Variants in XXYLT1 observed in about 807,000 individuals in gnomAD.
XXYLT1 encodes the protein UDP-xylose:alpha-xyloside alpha-1,3-xylosyltransferase.
XXYLT1 carries 20 observed loss-of-function variants against 28.9 expected under a neutral mutation model. The ratio of observed to expected loss-of-function variants is 0.69; its 90% confidence interval spans 0.49 to 1.00. The LOEUF is 1.00. Ranked by LOEUF, XXYLT1 falls within the 50% of genes least tolerant of loss-of-function variation. The pLI, the probability that XXYLT1 is intolerant of heterozygous loss-of-function variation, is 0.00. For synonymous variants in XXYLT1, 257 were observed against 253.8 expected, an observed-to-expected ratio of 1.01 and a Z score of -0.12; for missense variants, 542 against 560.1, an observed-to-expected ratio of 0.97 and a Z score of 0.33.
intron 2 of XXYLT1, among the ~76,000 whole-genome samples, chr3:195,219,800 T>C (rs1723741139): frequency 6.6e-6 from 1 of 152,194 alleles, no homozygotes; most frequent in Non-Finnish European, 1.5e-5. Context: ...TCAGGGGTGA[T>C]AACACTCAGG....
intron 2 of XXYLT1, among the ~76,000 whole-genome samples, chr3:195,208,347 G>A (rs367779666): frequency 6.6e-5 from 10 of 152,210 alleles, no homozygotes; most frequent in South Asian, 4.2e-4. Context: ...ATCCAGTCTC[G>A]GTGTCAGCTC....
chr3:195,081,474 G>T (rs1715431107), intron 3 of XXYLT1, among the ~76,000 whole-genome samples: 1 of 152,158 alleles, frequency 6.6e-6, no homozygotes. Context: ...TCGGTCTAGG[G>T]TGGAGGGAAG....
intron 3 of XXYLT1, among the ~76,000 whole-genome samples, chr3:195,139,482 G>A (rs1719372662): frequency 6.6e-6 from 1 of 152,154 alleles, no homozygotes; most frequent in African/African-American, 2.4e-5. Flanking sequence ...CCTCCACGTC[G>A]CAGGAGTGCA....
intron 3 of XXYLT1, among the ~76,000 whole-genome samples, chr3:195,079,452 A>T (rs1281866086): frequency 6.6e-6 from 1 of 152,154 alleles, no homozygotes; most frequent in East Asian, 1.9e-4. Flanking sequence ...TCTTTGAGGA[A>T]TGAGAATAAC....
chr3:195,190,707 T>C (rs953802201), intron 2 of XXYLT1, among the ~76,000 whole-genome samples: 1 of 151,898 alleles, frequency 6.6e-6, no homozygotes, highest in African/African-American at 2.4e-5. Context: ...CAACACTGGG[T>C]TGTTGGGTTT....
rs1445335383 is a variant in XXYLT1, at chr3:195,256,399, C to A, written c.504+14156G>T. 1 of 810,382 alleles carries A rather than the reference C, an allele frequency of 1.2e-6. No homozygotes were observed. The highest frequency in any genetic ancestry group is 1.5e-6 in the Non-Finnish European group (1 of 670,418). 50.2% of individuals were successfully genotyped at this position (810,382 alleles called of 1,614,324 possible). A position where few individuals can be genotyped will look rare whatever the true frequency, so the allele number is the denominator to read the frequency against. ...CTCTGGTCATTCCAAGTCCCTCGCC[C>A]TCATGCTCCGCGCAGGCCTGAGGTG... On this transcript the variant is annotated intron_variant, in intron 1 of 3. Transcript: ENST00000310380. This position sits in a 1 kb window ranked among gnomAD's most constrained non-coding sequence, Gnocchi z 4.2.
At position 195,076,681 on chromosome 3, in the gene XXYLT1, G is replaced by GGA. The variant is rs1390530478; in HGVS notation, c.786-6572_786-6571dup. Among the ~76,000 whole-genome samples, 2 of 152,186 alleles carry GGA rather than the reference G, an allele frequency of 1.3e-5. No individual in the cohort carries two copies. Among genetic ancestry groups the GGA allele is most frequent in the Non-Finnish European group, 2.9e-5 (2 of 68,018 alleles). On this transcript the variant is annotated intron_variant, in intron 3 of 3. Transcript: ENST00000310380. This position sits in a 1 kb window ranked among gnomAD's most constrained non-coding sequence, Gnocchi z 5.3. ...CTGGCAGCTGGCTCTGTCTGGGCTA[G>GGA]GAGGGAGGGTCTGTTCCAGGCGCTC... is the stretch of plus-strand genomic sequence containing the variant.
chr3:195,136,264 G>A (rs1308437843), intron 3 of XXYLT1, among the ~76,000 whole-genome samples: 1 of 152,122 alleles, frequency 6.6e-6, no homozygotes. Flanking sequence ...GACCCTCAGT[G>A]CTCCTATAGG....
chr3:195,154,674 G>A (rs996223917), intron 3 of XXYLT1, among the ~76,000 whole-genome samples: 2 of 152,132 alleles, frequency 1.3e-5, no homozygotes, highest in Non-Finnish European at 2.9e-5. Context: ...CCACGCCAAT[G>A]TACAAAACCC....
intron 1 of XXYLT1, among the ~76,000 whole-genome samples, chr3:195,248,643 C>T (rs549079722): frequency 3.9e-5 from 6 of 152,186 alleles, no homozygotes; most frequent in South Asian, 2.1e-4. Flanking sequence ...CTTGGCCAGG[C>T]GCAGTGGCTC....
chr3:195,184,489 C>T, intron 2 of XXYLT1: 1 of 484,720 alleles, frequency 2.1e-6, no homozygotes, highest in Non-Finnish European at 2.7e-6. Flanking sequence ...TGATTAAAAT[C>T]CCAACTCACC....
At chr3:195,204,004 T>C (rs574774530) in intron 2 of XXYLT1, among the ~76,000 whole-genome samples, 1 of 152,190 alleles carries the variant, frequency 6.6e-6, no homozygotes, top group South Asian at 2.1e-4. Context: ...AAGCCTCAGG[T>C]TTTTGCTTCT....
chr3:195,118,787 A>T (rs1451730141), intron 3 of XXYLT1, among the ~76,000 whole-genome samples: 1 of 152,226 alleles, frequency 6.6e-6, no homozygotes, highest in African/African-American at 2.4e-5. Context: ...AACAGCTTTC[A>T]CGGGTAAAGA....
intron 2 of XXYLT1, among the ~76,000 whole-genome samples, chr3:195,216,590 C>T (rs1478558632): frequency 7.0e-6 from 1 of 143,432 alleles, no homozygotes; most frequent in Non-Finnish European, 1.5e-5. Flanking sequence ...TCGACACATA[C>T]ACTCTCCCAA....
At chr3:195,110,266 T>G (rs1406803074) in intron 3 of XXYLT1, among the ~76,000 whole-genome samples, 1 of 37,182 alleles carries the variant, frequency 2.7e-5, no homozygotes, top group African/African-American at 1.1e-4. Context: ...TGTGTGTGGG[T>G]GTGTGGTGTG....
At chr3:195,227,918 C>A (rs1724125297) in intron 1 of XXYLT1, among the ~76,000 whole-genome samples, 1 of 152,216 alleles carries the variant, frequency 6.6e-6, no homozygotes, top group African/African-American at 2.4e-5. Flanking sequence ...GGCCCATGCG[C>A]AGCCCCAGCT....
intron 2 of XXYLT1, among the ~76,000 whole-genome samples, chr3:195,204,101 T>C (rs1181796488): frequency 6.6e-6 from 1 of 152,066 alleles, no homozygotes; most frequent in Non-Finnish European, 1.5e-5. Flanking sequence ...TCCCAGCATT[T>C]TGGGAGGCTG....
At chr3:195,118,860 T>C (rs182078883) in intron 3 of XXYLT1, among the ~76,000 whole-genome samples, 2 of 152,300 alleles carry the variant, frequency 1.3e-5, no homozygotes, top group African/African-American at 2.4e-5. Context: ...CGAAACGTAG[T>C]TCCCTGAAGG....
At chr3:195,156,658 G>A (rs1577090010) in intron 2 of XXYLT1, 77 bp from the exon 3 acceptor site, 7 of 1,563,486 alleles carry the variant, frequency 4.5e-6, no homozygotes, top group Non-Finnish European at 5.2e-6. Context: ...AAATGAAGTG[G>A]AGGGCAGAGA....
Sources: allele counts gnomAD v4.1 joint callset (sites outside exome capture counted in the v4.1 genomes callset), GRCh38; gene constraint gnomAD v4.1.1; non-coding constraint Gnocchi (gnomAD v3.1); transcripts MANE v1.5; gene names NCBI Gene and HGNC (gene_info 2026-07-23, HGNC 2026-07-21).